Variants in AADACL2 observed in about 807,000 individuals in gnomAD.
AADACL2 encodes the protein arylacetamide deacetylase like 2.
AADACL2 carries 23 observed loss-of-function variants against 22.3 expected under a neutral mutation model. The observed-to-expected ratio is 1.03, with a 90% CI of 0.74 to 1.46. The LOEUF is 1.46. AADACL2 is among the 40% of genes most tolerant of loss of function. AADACL2 has a pLI of 0.00. For synonymous variants in AADACL2, 177 were observed against 166.2 expected (o/e 1.07, Z -0.50); for missense variants, 472 against 482.9 (o/e 0.98, Z 0.21).
intron 4 of AADACL2, among the ~76,000 whole-genome samples, chr3:151,752,611 TA>T (rs1713713914): frequency 6.6e-6 from 1 of 152,198 alleles, no homozygotes; most frequent in Non-Finnish European, 1.5e-5. Flanking sequence ...TCATATCACT[TA>T]AATCCAATTT....
intron 4 of AADACL2, among the ~76,000 whole-genome samples, chr3:151,748,424 T>C (rs943727969): frequency 6.6e-6 from 1 of 152,208 alleles, no homozygotes; most frequent in Non-Finnish European, 1.5e-5. Flanking sequence ...CAATTGACCA[T>C]TGCTATAGCT....
chr3:151,760,085 T>A lies in AADACL2; in HGVS notation c.*2491T>A, dbSNP rs1714092602. 1 of 151,854 alleles carries A rather than the reference T, an allele frequency of 6.6e-6. No individual in the cohort carries two copies. Among genetic ancestry groups the A allele is most frequent in the East Asian group, 1.9e-4 (1 of 5,196 alleles). 9.4% of individuals were successfully genotyped at this position (151,854 alleles called of 1,614,324 possible). A position where few individuals can be genotyped will look rare whatever the true frequency, so the allele number is the denominator to read the frequency against. ...TCTTTGTGTTGGGAATTTCAATATCTTTTTTTTAGCTGTTTGAGATTATGT... is the reference window on the plus strand; with the variant it reads ...TCTTTGTGTTGGGAATTTCAATATCATTTTTTTAGCTGTTTGAGATTATGT... On this transcript the variant is annotated 3_prime_UTR_variant, in exon 5 of 5. Transcript: ENST00000356517.
chr3:151,737,387 T>G (rs1480645287), intron 1 of AADACL2, among the ~76,000 whole-genome samples: 4 of 152,120 alleles, frequency 2.6e-5, no homozygotes, highest in African/African-American at 9.7e-5. Flanking sequence ...TCCAATTATG[T>G]GGTCAATGTT....
rs1455848343 is a variant in AADACL2, at chr3:151,740,865, T to C, written c.358T>C (p.Ser120Pro). ...FHGGGFCFGSSKQRAFDFLNR... is the reference protein window; with the variant it reads ...FHGGGFCFGSPKQRAFDFLNR... ...TGGTGGTGGTTTTTGTTTTGGAAGT[T>C]CCAGTAAGTTCATTGTATAAGGAAA... is the stretch of plus-strand genomic sequence containing the variant. Residue 120 changes from serine (S) to proline (P), a missense_variant, in exon 2 of 5, where the codon TCC (serine) becomes CCC (proline). Physicochemically the swap from Ser to Pro is moderately conservative, Grantham distance 74. Coordinates refer to ENST00000356517, the MANE Select transcript of AADACL2 (RefSeq NM_207365.4). The C allele has an allele frequency of 3.1e-6, 5 of 1,613,692 alleles. No individual in the cohort carries two copies. Among genetic ancestry groups the C allele is most frequent in the Non-Finnish European group, 4.2e-6 (5 of 1,179,814 alleles).
chr3:151,735,390 C>A (rs994379822), intron 1 of AADACL2, among the ~76,000 whole-genome samples: 3 of 152,178 alleles, frequency 2.0e-5, no homozygotes, highest in African/African-American at 7.2e-5. Context: ...GCATAAGATG[C>A]TGGTTTAAAT....
chr3:151,749,932 A>G (rs960863079), intron 4 of AADACL2, among the ~76,000 whole-genome samples: 2 of 152,188 alleles, frequency 1.3e-5, no homozygotes, highest in African/African-American at 4.8e-5. Flanking sequence ...CTGATGTCAG[A>G]GGAAAAGCTT....
chr3:151,743,638 T>A (rs1415788379), intron 2 of AADACL2, among the ~76,000 whole-genome samples: 1 of 152,236 alleles, frequency 6.6e-6, no homozygotes. Flanking sequence ...GAACGATGTT[T>A]AGAGACTCAA....
rs146278742 is a variant in AADACL2, at chr3:151,734,152, C to T, written c.117C>T (p.Ile39=). 37 of 1,612,984 alleles carry T rather than the reference C, an allele frequency of 2.3e-5. No individual in the cohort carries two copies. Among genetic ancestry groups the T allele is most frequent in the South Asian group, 1.9e-4 (17 of 90,958 alleles). The change falls in exon 1 of 5, where the codon ATC becomes ATT. Residue 39 remains isoleucine (I), a synonymous_variant. Coordinates refer to ENST00000356517, the MANE Select transcript of AADACL2 (RefSeq NM_207365.4). ...ESWKIMALDA[I]AKTCTFTAMC... is the part of the protein sequence containing the mutation. ...GGAAAATAATGGCCTTGGATGCCAT[C>T]GCTAAAACTTGTACATTTACGGTAA... is the stretch of plus-strand genomic sequence containing the variant.
rs144455111 is a variant in AADACL2, at chr3:151,756,373, A to G, written c.604-619A>G. Reference sequence around the variant, plus strand: ...CCCTTTGTTTCTCCAACACTGCATCATTCTCATAAGATACCTGTTGATTGG... The same window carrying G: ...CCCTTTGTTTCTCCAACACTGCATCGTTCTCATAAGATACCTGTTGATTGG... On this transcript the variant is annotated intron_variant, in intron 4 of 4. Transcript: ENST00000356517. 3.4e-3 allele frequency among the ~76,000 whole-genome samples: 511 copies of G among 152,134 alleles called. 1 individual carries two copies. The highest frequency in any genetic ancestry group is 0.012 in the African/African-American group (493 of 41,512).
At chr3:151,747,224 G>C (rs984921012) in intron 4 of AADACL2, among the ~76,000 whole-genome samples, 1 of 152,086 alleles carries the variant, frequency 6.6e-6, no homozygotes, top group African/African-American at 2.4e-5. Flanking sequence ...ACCTCACATA[G>C]TTACCATTTA....
chr3:151,761,204 G>GATATATATATATAT lies in AADACL2; in HGVS notation c.*3635_*3648dup, dbSNP rs56205370. 2.4e-3 allele frequency: 202 copies of GATATATATATATAT among 85,334 alleles called. 4 individuals carry two copies. The highest frequency in any genetic ancestry group is 5.0e-3 in the South Asian group (11 of 2,198). The allele number at this position is 85,334 out of a possible 1,614,324, so 5.3% of individuals were successfully genotyped here. A position where few individuals can be genotyped will look rare whatever the true frequency, so the allele number is the denominator to read the frequency against. On this transcript the variant is annotated 3_prime_UTR_variant, in exon 5 of 5. Transcript: ENST00000356517. ...ATATGGTGAGATATATACATATTGT[G>GATATATATATATAT]ATATATATATATATATATATATATA...
intron 4 of AADACL2, among the ~76,000 whole-genome samples, chr3:151,754,197 GA>G (rs1299408312): frequency 2.6e-5 from 4 of 152,044 alleles, no homozygotes; most frequent in Non-Finnish European, 4.4e-5. Flanking sequence ...GTTTGCGAAT[GA>G]AAAAAACTGA....
chr3:151,735,550 G>A (rs572018605), intron 1 of AADACL2, among the ~76,000 whole-genome samples: 1 of 152,216 alleles, frequency 6.6e-6, no homozygotes, highest in African/African-American at 2.4e-5. Flanking sequence ...CTGAGGCTAG[G>A]AGTTCAGGAC....
chr3:151,735,569 C>T (rs1316400468), intron 1 of AADACL2, among the ~76,000 whole-genome samples: 2 of 152,116 alleles, frequency 1.3e-5, no homozygotes, highest in African/African-American at 4.8e-5. Context: ...ACCTGCCTGG[C>T]CAACATGGGG....
chr3:151,748,923 T>C (rs566941482), intron 4 of AADACL2, among the ~76,000 whole-genome samples: 6 of 152,364 alleles, frequency 3.9e-5, no homozygotes, highest in South Asian at 2.1e-4. Context: ...TATATGCCAG[T>C]ACCATACTGT....
intron 4 of AADACL2, among the ~76,000 whole-genome samples, chr3:151,756,728 C>G: frequency 1.3e-5 from 1 of 76,582 alleles, no homozygotes; most frequent in Non-Finnish European, 2.9e-5. Flanking sequence ...TGTACATTCT[C>G]TTTCTGTCTC....
chr3:151,734,126 T>A lies in AADACL2; in HGVS notation c.91T>A (p.Trp31Arg). The A allele has an allele frequency of 6.2e-7, 1 of 1,613,598 alleles. No homozygotes were observed. Among genetic ancestry groups the A allele is most frequent in the Non-Finnish European group, 8.5e-7 (1 of 1,179,758 alleles). ...CATGCCAGACAACATTGAAGAAAGCTGGAAAATAATGGCCTTGGATGCCAT... is the reference window on the plus strand; with the variant it reads ...CATGCCAGACAACATTGAAGAAAGCAGGAAAATAATGGCCTTGGATGCCAT... Reference protein sequence around the residue: ...TPMPDNIEESWKIMALDAIAK... With the variant: ...TPMPDNIEESRKIMALDAIAK... The change falls in exon 1 of 5, where the codon TGG (tryptophan) becomes AGG (arginine). Residue 31 changes from tryptophan (W) to arginine (R), a missense_variant. By Grantham distance (101) the Trp-to-Arg change is moderately radical. Around this residue, in one of 3 missense-constraint regions of AADACL2, gnomAD observed 356 missense variants for 365.5 expected, o/e 0.97. Transcript: ENST00000356517.
At position 151,758,847 on chromosome 3, in the gene AADACL2, G is replaced by T. The variant is rs1029082680; in HGVS notation, c.*1253G>T. On this transcript the variant is annotated 3_prime_UTR_variant, in exon 5 of 5. Coordinates refer to ENST00000356517, the MANE Select transcript of AADACL2 (RefSeq NM_207365.4). ...TATATGTATGAGTATGTGCATGTGT[G>T]TGGGAAAAATCTACCATCCAATTGA... 3 of 152,090 alleles carry T rather than the reference G, an allele frequency of 2.0e-5. No homozygotes were observed. The highest frequency in any genetic ancestry group is 4.4e-5 in the Non-Finnish European group (3 of 67,964). The allele number at this position is 152,090 out of a possible 1,614,324, so 9.4% of individuals were successfully genotyped here.
chr3:151,757,417 A>T lies in AADACL2; in HGVS notation c.1029A>T (p.Leu343Phe). 5 of 1,613,706 alleles carry T rather than the reference A, an allele frequency of 3.1e-6. No homozygotes were observed. The highest frequency in any genetic ancestry group is 3.4e-6 in the Non-Finnish European group (4 of 1,179,676). ...TTCTTACTTGTCAACATGATCTCTT[A>T]AGAGATGATGGACTTATGTATGTTA... ...TYILTCQHDL[L>F]RDDGLMYVTR... is the part of the protein sequence containing the mutation. Residue 343 changes from leucine (L) to phenylalanine (F), a missense_variant, in exon 5 of 5, where the codon TTA becomes TTT. Physicochemically the swap from Leu to Phe is conservative, Grantham distance 22 (BLOSUM62 0). Transcript: ENST00000356517.
Sources: allele counts gnomAD v4.1 joint callset (sites outside exome capture counted in the v4.1 genomes callset), GRCh38; gene constraint gnomAD v4.1.1; regional missense constraint gnomAD v4.1.1; transcripts MANE v1.5; gene names NCBI Gene and HGNC (gene_info 2026-07-23, HGNC 2026-07-21).